TNFRSF8: variants seen among roughly 807,000 people sequenced by gnomAD.
TNFRSF8 encodes TNF receptor superfamily member 8.
TNFRSF8 carries 26 observed loss-of-function variants against 70.8 expected under a neutral mutation model. That is an observed-to-expected ratio of 0.37 (90% CI 0.27 to 0.51). The LOEUF is 0.51. TNFRSF8 is among the 20% of genes least tolerant of loss of function. The probability of loss-of-function intolerance (pLI) is 0.94; values close to 1 mark genes in which losing one functional copy is unlikely to be tolerated. For missense variants in TNFRSF8, 720 were observed against 807.9 expected, an observed-to-expected ratio of 0.89 and a Z score of 1.32; for synonymous variants, 356 against 339.2, an observed-to-expected ratio of 1.05 and a Z score of -0.54.
At chr1:12,128,155 T>C (rs1570071995) in intron 12 of TNFRSF8, among the ~76,000 whole-genome samples, 1 of 152,240 alleles carries the variant, frequency 6.6e-6, no homozygotes. Context: ...CGTTCATTCA[T>C]CTATTCACAT....
intron 2 of TNFRSF8, among the ~76,000 whole-genome samples, chr1:12,085,999 T>C (rs567336390): frequency 6.6e-6 from 1 of 152,334 alleles, no homozygotes. Context: ...TCGCCACTTC[T>C]TGCTTTGAGG....
At position 12,084,658 on chromosome 1, in the gene TNFRSF8, A is replaced by G; in HGVS notation, c.151+107A>G. Reference sequence around the variant, plus strand: ...GAAATTGGAGCCAACCGTCATCGTCATAATTGGCTACAGTTTTCTGCAGGT... The same window carrying G: ...GAAATTGGAGCCAACCGTCATCGTCGTAATTGGCTACAGTTTTCTGCAGGT... On this transcript the variant is annotated intron_variant, in intron 2 of 14. Coordinates refer to ENST00000263932, the MANE Select transcript of TNFRSF8 (RefSeq NM_001243.5). 3.8e-6 allele frequency: 4 copies of G among 1,050,198 alleles called. 1 individual carries two copies. Among genetic ancestry groups the G allele is most frequent in the South Asian group, 2.8e-5 (2 of 70,472 alleles). The allele number at this position is 1,050,198 out of a possible 1,614,324, so 65.1% of individuals were successfully genotyped here.
chr1:12,106,518 A>G (rs1195213369), intron 4 of TNFRSF8, among the ~76,000 whole-genome samples: 2 of 152,158 alleles, frequency 1.3e-5, no homozygotes, highest in African/African-American at 2.4e-5. Flanking sequence ...GGCAAAGACC[A>G]TGCCCCTGGT....
Position 12,126,013 on chromosome 1 carries a change from C to T in TNFRSF8, c.1216C>T (p.Leu406=). ...GGTGGTCGGCTCCAGCGCCTTCCTC[C>T]TGTGCCACCGGAGGGCCTGCAGGAA... ...VVVVGSSAFL[L]CHRRACRKRI... Residue 406 remains leucine, a synonymous_variant, in exon 11 of 15, where the codon CTG becomes TTG. Transcript: ENST00000263932. The T allele has an allele frequency of 6.2e-7, 1 of 1,614,174 alleles. No homozygotes were observed. Among genetic ancestry groups the T allele is most frequent in the African/African-American group, 1.3e-5 (1 of 75,044 alleles).
chr1:12,112,113 A>C lies in TNFRSF8; in HGVS notation c.793+99A>C. The C allele has an allele frequency of 1.2e-6, 1 of 827,458 alleles. No homozygotes were observed. Among genetic ancestry groups the C allele is most frequent in the Non-Finnish European group, 1.9e-6 (1 of 517,070 alleles). 51.3% of individuals were successfully genotyped at this position (827,458 alleles called of 1,614,324 possible). On this transcript the variant is annotated intron_variant, in intron 7 of 14. Transcript: ENST00000263932. This position sits in a 1 kb window ranked among gnomAD's most constrained non-coding sequence, Gnocchi z 5.3. ...TCCCCCTTATGTTTGTGGGTTTTTG[A>C]TGGGGGTCGCCTCTTTTCAGAGGGC...
intron 1 of TNFRSF8, among the ~76,000 whole-genome samples, chr1:12,069,168 GC>G (rs1640794039): frequency 1.6e-5 from 2 of 126,244 alleles, no homozygotes; most frequent in South Asian, 5.2e-4. Flanking sequence ...ACTGCACCCG[GC>G]CTTTTTTTTT....
chr1:12,102,618 C>T (rs1194490191), intron 3 of TNFRSF8, among the ~76,000 whole-genome samples: 1 of 152,150 alleles, frequency 6.6e-6, no homozygotes, highest in Non-Finnish European at 1.5e-5. Flanking sequence ...CTCCACTTCT[C>T]GGGTTCAAGT....
chr1:12,077,123 C>T (rs566820448), intron 1 of TNFRSF8, among the ~76,000 whole-genome samples: 2 of 152,124 alleles, frequency 1.3e-5, no homozygotes, highest in East Asian at 1.9e-4. Context: ...TCTCCTTTGC[C>T]GTGTTGCCCG....
chr1:12,138,570 C>A lies in TNFRSF8; in HGVS notation c.1543+134C>A. 1.1e-6 allele frequency: 1 copy of A among 918,436 alleles called. No homozygotes were observed. The highest frequency in any genetic ancestry group is 1.6e-6 in the Non-Finnish European group (1 of 618,312). 56.9% of individuals were successfully genotyped at this position (918,436 alleles called of 1,614,324 possible). On this transcript the variant is annotated intron_variant, in intron 14 of 14. Coordinates refer to ENST00000263932, the MANE Select transcript of TNFRSF8 (RefSeq NM_001243.5). This position sits in a 1 kb window ranked among gnomAD's most constrained non-coding sequence, Gnocchi z 5.7. The stretch of plus-strand genomic sequence containing the variant: ...CAGGAAAGGAGAGGCATAGATTCTT[C>A]ACCCCAATTGAAGTTTCTGTAAGTA...
chr1:12,099,935 G>A (rs1404262111), intron 3 of TNFRSF8, among the ~76,000 whole-genome samples: 5 of 152,104 alleles, frequency 3.3e-5, no homozygotes, highest in East Asian at 3.8e-4. Flanking sequence ...TTGGGAGGCC[G>A]AGGAGGGTGG....
chr1:12,109,482 C>G lies in TNFRSF8; in HGVS notation c.422-84C>G. ...TTTTCCAAGGGCCCCATCTCCGACTCTGGCCTGTGGTAGTGAAGGGTGTAT... is the reference window on the plus strand; with the variant it reads ...TTTTCCAAGGGCCCCATCTCCGACTGTGGCCTGTGGTAGTGAAGGGTGTAT... On this transcript the variant is annotated intron_variant, in intron 4 of 14. Coordinates refer to ENST00000263932, the MANE Select transcript of TNFRSF8 (RefSeq NM_001243.5). The surrounding 1 kb of genome is among the most constrained non-coding windows in gnomAD (Gnocchi z 4.4). The G allele has an allele frequency of 8.6e-7, 1 of 1,163,308 alleles. No individual in the cohort carries two copies. The highest frequency in any genetic ancestry group is 1.2e-6 in the Non-Finnish European group (1 of 801,024). 72.1% of individuals were successfully genotyped at this position (1,163,308 alleles called of 1,614,324 possible).
chr1:12,068,073 GCTT>G (rs1640773781), intron 1 of TNFRSF8, among the ~76,000 whole-genome samples: 1 of 152,170 alleles, frequency 6.6e-6, no homozygotes. Flanking sequence ...GTAAGTTTCT[GCTT>G]CTGCTCCCAC....
chr1:12,097,225 C>T lies in TNFRSF8; in HGVS notation c.268+8C>T. ...GCGTGACTTGTTCTCGAGGTAAGGG[C>T]CTTGTTCTCTCTCCAGGGCCTCCTT... is the stretch of plus-strand genomic sequence containing the variant. On this transcript the variant is annotated splice_region_variant and intron_variant, in intron 3 of 14. Transcript: ENST00000263932. 1 of 1,610,020 alleles carries T rather than the reference C, an allele frequency of 6.2e-7. No homozygotes were observed.
intron 8 of TNFRSF8, 109 bp from the exon 9 acceptor site, chr1:12,123,175 C>A: frequency 1.2e-6 from 1 of 864,462 alleles, no homozygotes; most frequent in Non-Finnish European, 1.8e-6. Context: ...ACTGTCTTAG[C>A]TCCCACGGTG....
At chr1:12,103,797 C>A (rs1641467073) in intron 3 of TNFRSF8, among the ~76,000 whole-genome samples, 1 of 152,200 alleles carries the variant, frequency 6.6e-6, no homozygotes, top group Admixed American at 6.5e-5. Flanking sequence ...CCAGCCTCCC[C>A]TGTCACGAAC....
rs1034303619 is a variant in TNFRSF8 at position 12,112,996 on chromosome 1, G to A, written c.793+982G>A. On this transcript the variant is annotated intron_variant, in intron 7 of 14. Coordinates refer to ENST00000263932, the MANE Select transcript of TNFRSF8 (RefSeq NM_001243.5). This position sits in a 1 kb window ranked among gnomAD's most constrained non-coding sequence, Gnocchi z 5.3. ...CAGACACTGTTTGTTGTCATTGGAG[G>A]TCTCTGTCCTAGTTACTAAGGCTGC... 6.6e-6 allele frequency among the ~76,000 whole-genome samples: 1 copy of A among 152,224 alleles called. No individual in the cohort carries two copies. Among genetic ancestry groups the A allele is most frequent in the African/African-American group, 2.4e-5 (1 of 41,466 alleles).
At chr1:12,117,212 A>T (rs922841349) in intron 8 of TNFRSF8, among the ~76,000 whole-genome samples, 3 of 152,008 alleles carry the variant, frequency 2.0e-5, no homozygotes, top group Non-Finnish European at 2.9e-5. Context: ...CCTCCCGAGT[A>T]GCTGGGATTA....
At chr1:12,117,049 G>GGTC in intron 8 of TNFRSF8, among the ~76,000 whole-genome samples, 1 of 152,122 alleles carries the variant, frequency 6.6e-6, no homozygotes, top group Admixed American at 6.6e-5. Flanking sequence ...TTGCACAGAT[G>GGTC]ATGCCTGAGT....
intron 7 of TNFRSF8, among the ~76,000 whole-genome samples, chr1:12,114,694 C>CTTTTTTTTTT (rs542462017): frequency 1.3e-5 from 1 of 77,034 alleles, no homozygotes; most frequent in African/African-American, 5.6e-5. Context: ...GAAAAAAAAT[C>CTTTTTTTTTT]TTTTTTTTTT....
Sources: gnomAD v4.1 joint callset for allele counts (sites outside exome capture counted in the v4.1 genomes callset) on GRCh38, gnomAD v4.1.1 for gene constraint, Gnocchi (gnomAD v3.1) non-coding constraint, MANE v1.5 for transcripts, NCBI Gene and HGNC (gene_info 2026-07-23, HGNC 2026-07-21) for gene names.